Variants in HS6ST2 observed in about 807,000 individuals in gnomAD.
HS6ST2 encodes heparan-sulfate 6-O-sulfotransferase 2.
A neutral mutation model predicts 33.0 loss-of-function variants in HS6ST2; 17 were observed. The observed-to-expected ratio is 0.52, with a 90% confidence interval of 0.35 to 0.77. HS6ST2 has a LOEUF of 0.77. HS6ST2 is among the 30% of genes least tolerant of loss of function. HS6ST2 has a pLI of 0.01. For missense variants in HS6ST2, 519 were observed against 551.7 expected, an observed-to-expected ratio of 0.94 and a Z score of 0.59; for synonymous variants, 248 against 237.1, an observed-to-expected ratio of 1.05 and a Z score of -0.42.
intron 3 of HS6ST2, among the ~76,000 whole-genome samples, chrX:132,703,613 T>G (rs1480706452): frequency 2.7e-5 from 3 of 112,375 alleles, no homozygotes; most frequent in Non-Finnish European, 5.6e-5. Flanking sequence ...AGTACACACA[T>G]TAACCAGGAG....
chrX:132,727,524 G>A (rs765129828), intron 2 of HS6ST2, among the ~76,000 whole-genome samples: 3 of 111,192 alleles, frequency 2.7e-5, no homozygotes, highest in Non-Finnish European at 5.7e-5. Flanking sequence ...AAGAGTTCAC[G>A]GCCCAGGCTT....
chrX:132,812,603 C>G (rs1602705700), intron 2 of HS6ST2, among the ~76,000 whole-genome samples: 1 of 102,667 alleles, frequency 9.7e-6, no homozygotes, highest in Non-Finnish European at 2.0e-5. Flanking sequence ...AGAAATTATT[C>G]AAGCCCTTCT....
At chrX:132,831,929 A>G (rs1197600760) in intron 2 of HS6ST2, among the ~76,000 whole-genome samples, 1 of 112,080 alleles carries the variant, frequency 8.9e-6, no homozygotes, top group Non-Finnish European at 1.9e-5. Flanking sequence ...TGTGGTTTTT[A>G]GGGCTTGAGT....
Position 132,924,786 on chromosome X carries a change from T to G in HS6ST2, c.947+32022A>C, listed in dbSNP as rs190036543. Among the ~76,000 whole-genome samples the G allele has an allele frequency of 2.1e-3, 234 of 111,917 alleles. 2 individuals are homozygous for G. The highest frequency in any genetic ancestry group is 7.4e-3 in the African/African-American group (227 of 30,807). ...AGGCAGATCGCTTGAGCTCAGGAGC[T>G]CCAGACCAGCCTGGGCAACATGGCG... On this transcript the variant is annotated intron_variant, in intron 2 of 4. Coordinates refer to ENST00000370833, the MANE Select transcript of HS6ST2 (RefSeq NM_001394073.1).
chrX:132,643,552 T>G (rs1045444322), intron 4 of HS6ST2, among the ~76,000 whole-genome samples: 2 of 111,695 alleles, frequency 1.8e-5, no homozygotes, highest in African/African-American at 6.5e-5. Context: ...CTCCAATCAC[T>G]TTAGCAATGA....
chrX:132,946,792 T>C (rs1311120422), intron 2 of HS6ST2, among the ~76,000 whole-genome samples: 1 of 111,828 alleles, frequency 8.9e-6, no homozygotes, highest in Admixed American at 9.5e-5. Context: ...CAGAGGGTTG[T>C]CGTGAGAATT....
At chrX:132,673,285 G>T (rs1422063845) in intron 3 of HS6ST2, among the ~76,000 whole-genome samples, 1 of 112,433 alleles carries the variant, frequency 8.9e-6, no homozygotes, top group Non-Finnish European at 1.9e-5. Flanking sequence ...TGAAAAAGCT[G>T]CATTTGGGCT....
At chrX:132,920,335 T>A (rs948100981) in intron 2 of HS6ST2, among the ~76,000 whole-genome samples, 4 of 110,135 alleles carry the variant, frequency 3.6e-5, no homozygotes, top group Non-Finnish European at 5.7e-5. Context: ...AGGCACTGCA[T>A]CCCATTCCCA....
intron 2 of HS6ST2, among the ~76,000 whole-genome samples, chrX:132,903,843 G>T (rs769538728): frequency 8.9e-6 from 1 of 111,980 alleles, no homozygotes; most frequent in South Asian, 3.7e-4. Context: ...CCACAATTCT[G>T]TTACTTGGTT....
intron 2 of HS6ST2, among the ~76,000 whole-genome samples, chrX:132,742,174 A>G (rs1483420453): frequency 8.9e-6 from 1 of 112,323 alleles, no homozygotes; most frequent in African/African-American, 3.2e-5. Flanking sequence ...GCAGCAGGAC[A>G]CAATCCAAAG....
intron 2 of HS6ST2, among the ~76,000 whole-genome samples, chrX:132,895,129 T>A (rs1270994858): frequency 8.9e-6 from 1 of 112,024 alleles, no homozygotes; most frequent in Non-Finnish European, 1.9e-5. Flanking sequence ...TAAATTAAAA[T>A]TTTTCTCCTC....
chrX:132,637,045 G>T (rs762208691), intron 4 of HS6ST2, among the ~76,000 whole-genome samples: 3 of 112,373 alleles, frequency 2.7e-5, no homozygotes, highest in African/African-American at 9.7e-5. Context: ...CTCTAGAAAT[G>T]GTATTCTTTC....
At chrX:132,815,732 G>A (rs773183439) in intron 2 of HS6ST2, among the ~76,000 whole-genome samples, 4 of 111,324 alleles carry the variant, frequency 3.6e-5, no homozygotes, top group Admixed American at 9.6e-5. Context: ...TGATAAGTAC[G>A]CTTCACCTGC....
chrX:132,880,314 T>A (rs1380105113), intron 2 of HS6ST2, among the ~76,000 whole-genome samples: 2 of 110,471 alleles, frequency 1.8e-5, no homozygotes, highest in African/African-American at 6.6e-5. Flanking sequence ...GGTGGGTGGA[T>A]CAACTGAGGT....
At chrX:132,846,062 C>T (rs180955348) in intron 2 of HS6ST2, among the ~76,000 whole-genome samples, 15 of 111,386 alleles carry the variant, frequency 1.3e-4, no homozygotes, top group South Asian at 7.6e-4. Context: ...TTCTGATGAC[C>T]CCGCCATAAG....
chrX:132,794,763 G>T (rs928163819), intron 2 of HS6ST2, among the ~76,000 whole-genome samples: 26 of 110,781 alleles, frequency 2.3e-4, no homozygotes, highest in African/African-American at 8.5e-4. Flanking sequence ...GTGCCTAATG[G>T]GAAAGGATTA....
chrX:132,945,027 G>A lies in HS6ST2; in HGVS notation c.947+11781C>T, dbSNP rs781440295. ...ATGATATCTAATTAAACTCAAGAGC[G>A]TCTGCACAGCAAAAGAAACTACCAT... On this transcript the variant is annotated intron_variant, in intron 2 of 4. Coordinates refer to ENST00000370833, the MANE Select transcript of HS6ST2 (RefSeq NM_001394073.1). Among the ~76,000 whole-genome samples, 11 of 111,554 alleles carry A rather than the reference G, an allele frequency of 9.9e-5. No homozygotes were observed. In the East Asian group the frequency reaches 1.1e-3, roughly 11 times the overall value.
intron 1 of HS6ST2, among the ~76,000 whole-genome samples, chrX:132,957,904 C>CG (rs1389536197): frequency 7.1e-4 from 80 of 112,146 alleles, no homozygotes; most frequent in Non-Finnish European, 1.2e-3. Flanking sequence ...AGCTCGGAGC[C>CG]GGGGGCTCAG....
chrX:132,847,890 C>G (rs1217257271), intron 2 of HS6ST2, among the ~76,000 whole-genome samples: 2 of 112,294 alleles, frequency 1.8e-5, no homozygotes, highest in Non-Finnish European at 3.8e-5. Context: ...TTCCAAGAAG[C>G]CCAGCTAGCA....
Sources: allele counts gnomAD v4.1 joint callset (sites outside exome capture counted in the v4.1 genomes callset), GRCh38; gene constraint gnomAD v4.1.1; transcripts MANE v1.5; gene names NCBI Gene and HGNC (gene_info 2026-07-23, HGNC 2026-07-21).